WNK2: variants seen among roughly 807,000 people sequenced by gnomAD.
The protein encoded by WNK2 is serine/threonine-protein kinase WNK2.
A neutral mutation model predicts 192.1 loss-of-function variants in WNK2; 67 were observed. That is an observed-to-expected ratio of 0.35 (90% CI 0.29 to 0.43). The LOEUF is 0.43. WNK2 is among the 20% of genes least tolerant of loss of function. The probability of loss-of-function intolerance (pLI) is 1.00; values close to 1 mark genes in which losing one functional copy is unlikely to be tolerated. For synonymous variants in WNK2, 1,439 were observed against 1,393.9 expected (o/e 1.03, Z -0.72); for missense variants, 2,698 against 3,089.7 (o/e 0.87, Z 3.01).
chr9:93,245,176 G>T lies in WNK2; in HGVS notation c.1543-2367G>T, dbSNP rs1227526633. On this transcript the variant is annotated intron_variant, in intron 7 of 29. Coordinates refer to ENST00000427277, the MANE Select transcript of WNK2 (RefSeq NM_006648.4). ...TGAAAAATTGCAAGGACACTACAAA[G>T]AACCATTTATTTTCCACGAACCATT... Among the ~76,000 whole-genome samples, 5 of 152,206 alleles carry T rather than the reference G, an allele frequency of 3.3e-5. No individual in the cohort carries two copies. The East Asian group carries it at 9.6e-4, about 29-fold the overall frequency.
chr9:93,247,568 G>T lies in WNK2; in HGVS notation c.1568G>T (p.Ser523Ile), dbSNP rs781062364. ...ATTGAGTCTGGATTCTTCCACGAGA[G>T]TGACGTCAAGATCGTGGCCAAGTCC... The part of the protein sequence containing the change: ...EMIESGFFHE[S>I]DVKIVAKSIR... The change falls in exon 8 of 30, where the codon AGT becomes ATT. Residue 523 changes from serine (S) to isoleucine (I), a missense_variant. Physicochemically the swap from Ser to Ile is moderately radical, Grantham distance 142. Coordinates refer to ENST00000427277, the MANE Select transcript of WNK2 (RefSeq NM_006648.4). This position sits in a 1 kb window ranked among gnomAD's most constrained non-coding sequence, Gnocchi z 5.2. The T allele has an allele frequency of 6.2e-7, 1 of 1,610,254 alleles. No homozygotes were observed. The highest frequency in any genetic ancestry group is 8.5e-7 in the Non-Finnish European group (1 of 1,178,628).
chr9:93,320,147 C>T (rs910136531), intron 29 of WNK2, among the ~76,000 whole-genome samples: 1 of 152,206 alleles, frequency 6.6e-6, no homozygotes, highest in Non-Finnish European at 1.5e-5. Flanking sequence ...TTCTGGCAGC[C>T]GTTCAGTGTG....
At chr9:93,270,736 T>C (rs1845887122) in intron 19 of WNK2, among the ~76,000 whole-genome samples, 1 of 152,100 alleles carries the variant, frequency 6.6e-6, no homozygotes, top group South Asian at 2.1e-4. Flanking sequence ...ACCCCCCTTC[T>C]CTTGCACCAG....
intron 26 of WNK2, 84 bp downstream of exon 26, chr9:93,300,233 A>G: frequency 2.0e-6 from 2 of 1,019,318 alleles, no homozygotes; most frequent in Non-Finnish European, 2.9e-6. Context: ...ATTACCTTTC[A>G]TACATTTCAT....
intron 2 of WNK2, among the ~76,000 whole-genome samples, chr9:93,186,140 C>T (rs1829288686): frequency 6.6e-6 from 1 of 152,230 alleles, no homozygotes; most frequent in African/African-American, 2.4e-5. Context: ...GAGACTTCTT[C>T]TGACCCAGGG....
chr9:93,297,960 C>G lies in WNK2; in HGVS notation c.5816C>G (p.Thr1939Arg). Residue 1939 changes from threonine to arginine, a missense_variant, in exon 24 of 30, where the codon ACG becomes AGG. By Grantham distance (71) the Thr-to-Arg change is moderately conservative. Transcript: ENST00000427277. ...PLPPNVGFFH[T>R]APPTGRRRKT... ...CCCCCCAACGTGGGCTTCTTCCACACGGCACCCCCCACTGGCCGCCGGAGA... is the reference window on the plus strand; with the variant it reads ...CCCCCCAACGTGGGCTTCTTCCACAGGGCACCCCCCACTGGCCGCCGGAGA... 6.3e-7 allele frequency: 1 copy of G among 1,577,796 alleles called. No homozygotes were observed. The highest frequency in any genetic ancestry group is 8.6e-7 in the Non-Finnish European group (1 of 1,163,048).
At chr9:93,300,008 G>A in intron 25 of WNK2, 43 bp from the exon 26 acceptor site, 2 of 1,555,192 alleles carry the variant, frequency 1.3e-6, no homozygotes, top group Non-Finnish European at 1.8e-6. Context: ...ACCTGTACTT[G>A]ATGAGTGTCT....
Position 93,184,341 on chromosome 9 carries a change from G to T in WNK2, c.-47G>T, listed in dbSNP as rs962818261. On this transcript the variant is annotated 5_prime_UTR_variant, in exon 1 of 30. Transcript: ENST00000427277. ...AAGCGTGATCTCTCCCGCCTCGCAC[G>T]CCCTGGCCGCCGGGCCGCGGGCATG... Among the ~76,000 whole-genome samples the T allele has an allele frequency of 4.0e-5, 6 of 151,256 alleles. No homozygotes were observed. The highest frequency in any genetic ancestry group is 7.4e-5 in the Non-Finnish European group (5 of 67,726).
rs565009193 is a variant in WNK2 at position 93,218,898 on chromosome 9, C to T, written c.682-10798C>T. On this transcript the variant is annotated intron_variant, in intron 2 of 29. Coordinates refer to ENST00000427277, the MANE Select transcript of WNK2 (RefSeq NM_006648.4). ...CCCCCTGCCTCCGAAGGAGAACAGA[C>T]GGGCGTGGGGAGCCTGGATGTGACA... is the stretch of plus-strand genomic sequence containing the variant. Among the ~76,000 whole-genome samples, 3 of 152,318 alleles carry T rather than the reference C, an allele frequency of 2.0e-5. No homozygotes were observed. The East Asian group carries it at 5.8e-4, about 29-fold the overall frequency.
chr9:93,317,119 C>T (rs1251643136), intron 28 of WNK2: 2 of 286,316 alleles, frequency 7.0e-6, no homozygotes, highest in Non-Finnish European at 1.3e-5. Context: ...TGGGGCTCTG[C>T]TCCTGCCAGC....
At position 93,289,148 on chromosome 9, in the gene WNK2, C is replaced by T. The variant is rs748146749; in HGVS notation, c.4394C>T (p.Thr1465Ile). Residue 1465 changes from threonine to isoleucine, a missense_variant, in exon 20 of 30, where the codon ACC becomes ATC. Transcript: ENST00000427277. ...PCTPAPEAAS[T>I]RDASAPREPL... The stretch of plus-strand genomic sequence containing the variant: ...ACTCCAGCTCCAGAGGCTGCCTCAA[C>T]CAGGGACGCCAGTGCCCCAAGGGAG... 2 of 1,599,808 alleles carry T rather than the reference C, an allele frequency of 1.3e-6. No homozygotes were observed. The highest frequency in any genetic ancestry group is 2.2e-5 in the East Asian group (1 of 44,536).
intron 16 of WNK2, among the ~76,000 whole-genome samples, chr9:93,264,624 T>G (rs966431726): frequency 2.0e-5 from 3 of 152,212 alleles, no homozygotes; most frequent in African/African-American, 7.2e-5. Context: ...ACTCTCCAGC[T>G]GAAAGCACGC....
chr9:93,201,632 C>T (rs1422332856), intron 2 of WNK2, among the ~76,000 whole-genome samples: 2 of 152,208 alleles, frequency 1.3e-5, no homozygotes, highest in Admixed American at 1.3e-4. Context: ...GCAGGAGGCC[C>T]TCCCTTCCCT....
chr9:93,314,704 A>G (rs1394127641), intron 28 of WNK2, among the ~76,000 whole-genome samples: 2 of 152,206 alleles, frequency 1.3e-5, no homozygotes, highest in South Asian at 2.1e-4. Context: ...TTGACAAAAA[A>G]TGGGTGCCCT....
intron 2 of WNK2, among the ~76,000 whole-genome samples, chr9:93,196,044 TCTC>T (rs757658395): frequency 3.3e-5 from 5 of 152,190 alleles, no homozygotes; most frequent in Non-Finnish European, 7.4e-5. Context: ...TTGAGGAACT[TCTC>T]AGAGCCTTTA....
At chr9:93,187,711 CCT>C (rs1346790446) in intron 2 of WNK2, among the ~76,000 whole-genome samples, 1 of 152,086 alleles carries the variant, frequency 6.6e-6, no homozygotes, top group Non-Finnish European at 1.5e-5. Context: ...GAGGAGGGCC[CCT>C]GCCTGTGTGT....
intron 23 of WNK2, among the ~76,000 whole-genome samples, chr9:93,294,427 G>C (rs1377634613): frequency 6.6e-6 from 1 of 152,236 alleles, no homozygotes; most frequent in Non-Finnish European, 1.5e-5. Flanking sequence ...GGAGGCCAGA[G>C]AGTGGATGGA....
rs1027015296 is a variant in WNK2 at position 93,293,003 on chromosome 9, G to A, written c.5538G>A (p.Arg1846=). 1.9e-6 allele frequency: 3 copies of A among 1,586,878 alleles called. No homozygotes were observed. The highest frequency in any genetic ancestry group is 2.6e-6 in the Non-Finnish European group (3 of 1,168,168). Residue 1846 remains arginine, a synonymous_variant, in exon 23 of 30, where the codon AGG becomes AGA. Coordinates refer to ENST00000427277, the MANE Select transcript of WNK2 (RefSeq NM_006648.4). The part of the protein sequence containing the change: ...FVKKATAFLQ[R]PSRAGSLGPE... ...AGAAGGCCACCGCCTTCCTGCAGAG[G>A]CCTTCTCGGGCCGGCTCGCTGGGCC... is the stretch of plus-strand genomic sequence containing the variant.
In WNK2 at chr9:93,239,037, G is replaced by A. The variant is rs573669733; in HGVS notation, c.1322+716G>A. ...GAGGAAGCCAGGCCCCAAAGAGTGC[G>A]TGCTGTGTGGTTCCATTTATAGGGT... is the stretch of plus-strand genomic sequence containing the variant. On this transcript the variant is annotated intron_variant, in intron 6 of 29. Coordinates refer to ENST00000427277, the MANE Select transcript of WNK2 (RefSeq NM_006648.4). The surrounding 1 kb of genome is among the most constrained non-coding windows in gnomAD (Gnocchi z 4.2). Among the ~76,000 whole-genome samples, 55 of 152,338 alleles carry A rather than the reference G, an allele frequency of 3.6e-4. No homozygotes were observed. Among genetic ancestry groups the A allele is most frequent in the African/African-American group, 8.2e-4 (34 of 41,576 alleles).
Sources: allele counts gnomAD v4.1 joint callset (sites outside exome capture counted in the v4.1 genomes callset), GRCh38; gene constraint gnomAD v4.1.1; non-coding constraint Gnocchi (gnomAD v3.1); transcripts MANE v1.5; gene names NCBI Gene and HGNC (gene_info 2026-07-23, HGNC 2026-07-21).